The following DLGAP2 variants were observed in gnomAD, a reference collection of about 807,000 sequenced individuals.
The protein encoded by DLGAP2 is disks large-associated protein 2.
DLGAP2 carries 26 observed loss-of-function variants against 100.3 expected under a neutral mutation model. The ratio of observed to expected loss-of-function variants is 0.26; its 90% CI spans 0.19 to 0.36. DLGAP2 has a LOEUF of 0.36. DLGAP2 is among the 10% of genes least tolerant of loss of function. The pLI is 1.00. For synonymous variants in DLGAP2, 886 were observed against 630.1 expected, an observed-to-expected ratio of 1.41 and a Z score of -6.08; for missense variants, 1,858 against 1,453.2, an observed-to-expected ratio of 1.28 and a Z score of -4.53.
chr8:743,254 C>CT (rs1231891339), intron 1 of DLGAP2, among the ~76,000 whole-genome samples: 1 of 152,200 alleles, frequency 6.6e-6, no homozygotes, highest in Non-Finnish European at 1.5e-5. Flanking sequence ...ACGTTTGACA[C>CT]TGAGCTTCCA....
At chr8:1,300,506 G>A (rs1417498503) in intron 3 of DLGAP2, 1 of 152,282 alleles carries the variant, frequency 6.6e-6, no homozygotes, top group African/African-American at 2.4e-5. Flanking sequence ...TACTTGTCAA[G>A]TACTGACCGT....
At chr8:1,064,863 T>G (rs1803197752) in intron 2 of DLGAP2, among the ~76,000 whole-genome samples, 1 of 152,156 alleles carries the variant, frequency 6.6e-6, no homozygotes, top group Non-Finnish European at 1.5e-5. Context: ...TGCACACACC[T>G]GGCCCCTGCA....
intron 1 of DLGAP2, among the ~76,000 whole-genome samples, chr8:819,681 G>T (rs117880877): frequency 2.6e-5 from 4 of 152,174 alleles, no homozygotes; most frequent in Non-Finnish European, 5.9e-5. Flanking sequence ...AAAAGTAGGC[G>T]CATCCTCAGA....
At position 1,181,900 on chromosome 8, in the gene DLGAP2, C is replaced by T. The variant is rs566880509; in HGVS notation, c.74-76951C>T. Among the ~76,000 whole-genome samples the T allele has an allele frequency of 3.0e-4, 45 of 152,282 alleles. 1 individual carries two copies. In the South Asian group the frequency reaches 9.1e-3, roughly 31 times the overall value. ...TGCCATCGTCCCTGCAATCCCAGGA[C>T]GCATTTCTCCTGTTCCTTGTCTGTG... is the stretch of plus-strand genomic sequence containing the variant. On this transcript the variant is annotated intron_variant, in intron 2 of 14. Transcript: ENST00000637795.
intron 6 of DLGAP2, chr8:1,620,013 A>C (rs1455714517): frequency 6.6e-6 from 1 of 152,012 alleles, no homozygotes; most frequent in Non-Finnish European, 1.5e-5. Context: ...TCTTATTTTC[A>C]CCTTCTAAAA....
chr8:1,297,155 A>G (rs959086952), intron 3 of DLGAP2: 1 of 152,262 alleles, frequency 6.6e-6, no homozygotes, highest in East Asian at 1.9e-4. Context: ...ACGTTTTTAC[A>G]GCAATGCGGC....
chr8:1,267,591 G>C (rs13281972), intron 3 of DLGAP2, among the ~76,000 whole-genome samples: 1 of 92,530 alleles, frequency 1.1e-5, no homozygotes, highest in African/African-American at 4.0e-5. Flanking sequence ...AATAAAATAA[G>C]ATAAGATAAG....
chr8:1,096,329 G>T (rs1162250413), intron 2 of DLGAP2, among the ~76,000 whole-genome samples: 1 of 152,222 alleles, frequency 6.6e-6, no homozygotes, highest in East Asian at 1.9e-4. Context: ...TTGTGTGTGG[G>T]CTCAGGGCAC....
intron 3 of DLGAP2, among the ~76,000 whole-genome samples, chr8:1,290,255 C>T (rs987990522): frequency 1.3e-5 from 2 of 152,234 alleles, no homozygotes; most frequent in Non-Finnish European, 2.9e-5. Context: ...AAAGGAATCA[C>T]GTCCGTCGCG....
chr8:1,358,119 A>G (rs546714383), intron 3 of DLGAP2, among the ~76,000 whole-genome samples: 57 of 152,326 alleles, frequency 3.7e-4, no homozygotes, highest in African/African-American at 1.0e-3. Context: ...AGAAGTGAAG[A>G]TTGTAAAATA....
At chr8:926,358 C>T (rs77361476) in intron 2 of DLGAP2, among the ~76,000 whole-genome samples, 1 of 152,220 alleles carries the variant, frequency 6.6e-6, no homozygotes, top group Non-Finnish European at 1.5e-5. Flanking sequence ...ACCCCCCTCA[C>T]ACCTCCTGGC....
chr8:1,359,393 C>T (rs189563321), intron 3 of DLGAP2, among the ~76,000 whole-genome samples: 12 of 152,350 alleles, frequency 7.9e-5, no homozygotes, highest in Admixed American at 7.8e-4. Flanking sequence ...CCCTGGGCTT[C>T]AGAGGAGGAC....
chr8:1,671,534 G>GC (rs1798690237), intron 10 of DLGAP2, among the ~76,000 whole-genome samples: 3 of 152,190 alleles, frequency 2.0e-5, no homozygotes, highest in African/African-American at 7.2e-5. Flanking sequence ...CTGTCCCGGG[G>GC]TGGGGGGTCC....
intron 2 of DLGAP2, among the ~76,000 whole-genome samples, chr8:1,228,788 A>C (rs958512206): frequency 4.0e-4 from 61 of 152,198 alleles, no homozygotes; most frequent in African/African-American, 1.4e-3. Context: ...CTCCATCTTA[A>C]AATAACATAT....
At chr8:1,514,090 G>A (rs919082979) in intron 4 of DLGAP2, among the ~76,000 whole-genome samples, 2 of 152,232 alleles carry the variant, frequency 1.3e-5, no homozygotes, top group African/African-American at 4.8e-5. Flanking sequence ...GAGCTAGGCA[G>A]GCATTGGGTG....
At chr8:1,099,360 C>T (rs1220494868) in intron 2 of DLGAP2, among the ~76,000 whole-genome samples, 1 of 152,192 alleles carries the variant, frequency 6.6e-6, no homozygotes, top group South Asian at 2.1e-4. Context: ...TGCATAGGAG[C>T]CTTTGATCAT....
At chr8:927,127 G>A (rs1387971513) in intron 2 of DLGAP2, 6 of 985,422 alleles carry the variant, frequency 6.1e-6, no homozygotes, top group Middle Eastern at 5.2e-4. Context: ...CAAACTAATC[G>A]ATTGTAATTA....
At chr8:1,308,154 A>AGG (rs1334340663) in intron 3 of DLGAP2, among the ~76,000 whole-genome samples, 1 of 152,224 alleles carries the variant, frequency 6.6e-6, no homozygotes, top group African/African-American at 2.4e-5. Context: ...GTTGCAAGCC[A>AGG]GGGTACGTGT....
chr8:1,237,382 C>G lies in DLGAP2; in HGVS notation c.74-21469C>G, dbSNP rs1211451760. On this transcript the variant is annotated intron_variant, in intron 2 of 14. Coordinates refer to ENST00000637795, the MANE Select transcript of DLGAP2 (RefSeq NM_001346810.2). ...CTCACATGGCGCCGTGTCTGTTTCTCTCACATGGCGCCGTGTCTAGTTACC... is the reference window on the plus strand; with the variant it reads ...CTCACATGGCGCCGTGTCTGTTTCTGTCACATGGCGCCGTGTCTAGTTACC... Among the ~76,000 whole-genome samples, 201 of 105,152 alleles carry G rather than the reference C, an allele frequency of 1.9e-3. 3 individuals carry two copies. The highest frequency in any genetic ancestry group is 2.9e-3 in the Non-Finnish European group (149 of 51,036). The allele number at this position is 105,152 out of a possible 152,430, so 69.0% of individuals were successfully genotyped here.
Sources: allele counts gnomAD v4.1 joint callset (sites outside exome capture counted in the v4.1 genomes callset), GRCh38; gene constraint gnomAD v4.1.1; transcripts MANE v1.5; gene names NCBI Gene and HGNC (gene_info 2026-07-23, HGNC 2026-07-21).